The following SPATA33 variants were observed in gnomAD, a reference collection of about 807,000 sequenced individuals.
SPATA33 encodes spermatogenesis-associated protein 33.
Under a neutral mutation model 8.9 loss-of-function variants are expected in SPATA33, and 10 were observed. The observed-to-expected ratio is 1.12, with a 90% CI of 0.69 to 1.90. The LOEUF is 1.90. SPATA33 is among the 40% of genes most tolerant of loss of function. The pLI, the probability that SPATA33 is intolerant of heterozygous loss-of-function variation, is 0.00. For missense variants in SPATA33, 241 were observed against 178.3 expected (o/e 1.35, Z -2.00); for synonymous variants, 96 against 72.8 (o/e 1.32, Z -1.63).
At chr16:89,661,989 A>C (rs1461261544) in intron 2 of SPATA33, among the ~76,000 whole-genome samples, 1 of 152,152 alleles carries the variant, frequency 6.6e-6, no homozygotes, top group African/African-American at 2.4e-5. Flanking sequence ...ATATGTCTGA[A>C]ATTCCTTAAA....
intron 2 of SPATA33, among the ~76,000 whole-genome samples, chr16:89,664,825 C>T (rs1045131294): frequency 1.2e-4 from 18 of 152,204 alleles, no homozygotes; most frequent in Admixed American, 7.2e-4. Flanking sequence ...GAATGCAGTG[C>T]AGCCGGCCCC....
chr16:89,660,101 C>T (rs1465585135), intron 2 of SPATA33: 1 of 163,642 alleles, frequency 6.1e-6, no homozygotes, highest in Non-Finnish European at 1.3e-5. Flanking sequence ...GGTGGAGCTT[C>T]CAGGTTGGCT....
intron 2 of SPATA33, chr16:89,658,739 T>C: frequency 2.5e-6 from 1 of 395,584 alleles, no homozygotes; most frequent in Non-Finnish European, 4.8e-6. Flanking sequence ...CCACTGAGAA[T>C]CCCTGAGCCT....
intron 2 of SPATA33, among the ~76,000 whole-genome samples, chr16:89,667,341 A>G (rs920493819): frequency 2.6e-5 from 4 of 152,230 alleles, no homozygotes; most frequent in Admixed American, 2.0e-4. Flanking sequence ...TTATGATTGT[A>G]GAGCGAGGAT....
chr16:89,667,404 A>G (rs555721679), intron 2 of SPATA33, among the ~76,000 whole-genome samples: 2 of 152,308 alleles, frequency 1.3e-5, no homozygotes, highest in East Asian at 3.9e-4. Context: ...AATGATATTC[A>G]TATATAATCA....
chr16:89,666,288 A>G (rs1462210786), intron 2 of SPATA33, among the ~76,000 whole-genome samples: 3 of 151,964 alleles, frequency 2.0e-5, no homozygotes, highest in Non-Finnish European at 4.4e-5. Context: ...GGAGGTTAGG[A>G]CTGTAGTTTG....
intron 1 of SPATA33, 65 bp downstream of exon 1, chr16:89,658,013 C>G: frequency 2.7e-6 from 4 of 1,488,954 alleles, no homozygotes; most frequent in Non-Finnish European, 3.5e-6. Context: ...CAGGGCGGGG[C>G]TGGGCTGGGC....
intron 2 of SPATA33, among the ~76,000 whole-genome samples, chr16:89,666,242 A>G (rs1250827174): frequency 6.6e-6 from 1 of 152,158 alleles, no homozygotes; most frequent in Admixed American, 6.6e-5. Context: ...CTGTGGTTCC[A>G]GCTACTCAGT....
intron 2 of SPATA33, chr16:89,661,633 A>G (rs2059967448): frequency 6.6e-6 from 1 of 151,744 alleles, no homozygotes; most frequent in Non-Finnish European, 1.5e-5. Context: ...TCACAAACAT[A>G]CAAACATTAT....
chr16:89,666,060 G>A (rs1037842627), intron 2 of SPATA33, among the ~76,000 whole-genome samples: 6 of 151,822 alleles, frequency 4.0e-5, no homozygotes, highest in Non-Finnish European at 5.9e-5. Context: ...CAGCCTGGGC[G>A]ACAAGAGTGA....
chr16:89,658,062 C>A (rs769610233), intron 1 of SPATA33, 114 bp downstream of exon 1: 1 of 1,460,920 alleles, frequency 6.8e-7, no homozygotes, highest in East Asian at 2.5e-5. Flanking sequence ...CGGCCCGGTG[C>A]GAACCGTTCC....
intron 2 of SPATA33, chr16:89,661,197 T>C (rs1403468372): frequency 3.0e-6 from 3 of 985,298 alleles, no homozygotes; most frequent in Non-Finnish European, 3.6e-6. Context: ...CTGTGGCAGC[T>C]GTTAGGATAT....
chr16:89,664,584 C>T (rs1446501807), intron 2 of SPATA33, among the ~76,000 whole-genome samples: 1 of 149,110 alleles, frequency 6.7e-6, no homozygotes, highest in East Asian at 2.0e-4. Context: ...ATCAGGGAAG[C>T]CAGACAGTAA....
intron 2 of SPATA33, chr16:89,661,123 T>C (rs1231400795): frequency 1.2e-5 from 12 of 985,368 alleles, no homozygotes; most frequent in Non-Finnish European, 1.4e-5. Context: ...TAAGTTACTA[T>C]GAAGCAGTAG....
rs1416212711 is a variant in SPATA33 at position 89,669,522 on chromosome 16, C to G, written c.*25C>G. ...AACAAGCACCTTTGCATGGCACTCGCTACTCCCTGCGATAGGCGTCTCGGG... is the reference window on the plus strand; with the variant it reads ...AACAAGCACCTTTGCATGGCACTCGGTACTCCCTGCGATAGGCGTCTCGGG... On this transcript the variant is annotated 3_prime_UTR_variant, in exon 3 of 3. Coordinates refer to ENST00000579310, the MANE Select transcript of SPATA33 (RefSeq NM_001271907.2). 6 of 1,605,812 alleles carry G rather than the reference C, an allele frequency of 3.7e-6. No individual in the cohort carries two copies. Among genetic ancestry groups the G allele is most frequent in the Non-Finnish European group, 5.1e-6 (6 of 1,175,476 alleles).
intron 2 of SPATA33, chr16:89,661,589 T>G (rs185850282): frequency 6.6e-6 from 1 of 152,332 alleles, no homozygotes; most frequent in East Asian, 1.9e-4. Flanking sequence ...CCCCTACTAC[T>G]TCTGTATATG....
intron 2 of SPATA33, among the ~76,000 whole-genome samples, chr16:89,666,180 A>G (rs1170369816): frequency 1.3e-5 from 2 of 152,142 alleles, no homozygotes; most frequent in East Asian, 1.9e-4. Flanking sequence ...AGGTTAGAGT[A>G]AAAAAAAGCC....
Position 89,669,390 on chromosome 16 carries a change from G to A in SPATA33, c.316G>A (p.Gly106Arg), listed in dbSNP as rs1266377587. 14 of 1,614,058 alleles carry A rather than the reference G, an allele frequency of 8.7e-6. No individual in the cohort carries two copies. Among genetic ancestry groups the A allele is most frequent in the African/African-American group, 5.3e-5 (4 of 74,908 alleles). Residue 106 changes from glycine to arginine, a missense_variant, in exon 3 of 3, where the codon GGG becomes AGG. Physicochemically the swap from Gly to Arg is moderately radical, Grantham distance 125. Coordinates refer to ENST00000579310, the MANE Select transcript of SPATA33 (RefSeq NM_001271907.2). Reference protein sequence around the residue: ...NETLVSCSSSGSDQQRTIREP... With the variant: ...NETLVSCSSSRSDQQRTIREP... Reference sequence around the variant, plus strand: ...GACGCTAGTCAGTTGCAGTTCCAGCGGGAGTGACCAGCAGAGAACCATTCG... The same window carrying A: ...GACGCTAGTCAGTTGCAGTTCCAGCAGGAGTGACCAGCAGAGAACCATTCG...
chr16:89,662,780 A>G (rs1477200474), intron 2 of SPATA33, among the ~76,000 whole-genome samples: 1 of 148,474 alleles, frequency 6.7e-6, no homozygotes, highest in East Asian at 2.1e-4. Context: ...CTGTTTGAAC[A>G]CTTTTGTGAC....
Sources: allele counts gnomAD v4.1 joint callset (sites outside exome capture counted in the v4.1 genomes callset), GRCh38; gene constraint gnomAD v4.1.1; transcripts MANE v1.5; gene names NCBI Gene and HGNC (gene_info 2026-07-23, HGNC 2026-07-21).